PHACTR1: variants seen among roughly 807,000 people sequenced by gnomAD.
PHACTR1 encodes the protein phosphatase and actin regulator 1.
A neutral mutation model predicts 69.2 loss-of-function variants in PHACTR1; 16 were observed. That is an observed-to-expected ratio of 0.23 (90% CI 0.16 to 0.35). The LOEUF (loss-of-function observed/expected upper bound fraction) is 0.35, where lower values mean the gene tolerates loss of function less well. PHACTR1 is among the 10% of genes least tolerant of loss of function. The pLI is 1.00. For synonymous variants in PHACTR1, 312 were observed against 284.5 expected (o/e 1.10, Z -0.97); for missense variants, 510 against 734.7 (o/e 0.69, Z 3.54).
At chr6:13,261,368 C>G (rs756048277) in intron 10 of PHACTR1, among the ~76,000 whole-genome samples, 1 of 152,144 alleles carries the variant, frequency 6.6e-6, no homozygotes, top group South Asian at 2.1e-4. Context: ...GAAAAGTCAC[C>G]AAGTAGCATC....
chr6:12,876,770 T>C (rs147701524), intron 4 of PHACTR1, among the ~76,000 whole-genome samples: 1 of 152,282 alleles, frequency 6.6e-6, no homozygotes, highest in African/African-American at 2.4e-5. Context: ...TATAGGTAGG[T>C]TTATTATGAG....
intron 4 of PHACTR1, among the ~76,000 whole-genome samples, chr6:13,034,008 G>C (rs1403587182): frequency 7.2e-6 from 1 of 138,742 alleles, no homozygotes; most frequent in Non-Finnish European, 1.6e-5. Flanking sequence ...TGAAGGACAG[G>C]ACTTTTTCTT....
intron 4 of PHACTR1, among the ~76,000 whole-genome samples, chr6:12,909,460 A>C (rs1232283794): frequency 6.6e-6 from 1 of 152,200 alleles, no homozygotes; most frequent in Non-Finnish European, 1.5e-5. Context: ...ATGCGGGAGT[A>C]ATTGGTTTTA....
At chr6:13,133,649 T>C (rs1031626036) in intron 5 of PHACTR1, among the ~76,000 whole-genome samples, 22 of 151,986 alleles carry the variant, frequency 1.4e-4, no homozygotes, top group Non-Finnish European at 2.9e-4. Flanking sequence ...TCGCTACAAC[T>C]TCCACCTCCC....
intron 10 of PHACTR1, among the ~76,000 whole-genome samples, chr6:13,259,202 C>T (rs1321463880): frequency 6.6e-6 from 1 of 152,182 alleles, no homozygotes; most frequent in East Asian, 1.9e-4. Flanking sequence ...GTTATAACAA[C>T]TCAGATACTC....
chr6:13,131,734 A>G (rs1354424849), intron 5 of PHACTR1, among the ~76,000 whole-genome samples: 1 of 152,180 alleles, frequency 6.6e-6, no homozygotes, highest in East Asian at 1.9e-4. Context: ...TGCTTTGAAA[A>G]TGGTTAAAAT....
intron 5 of PHACTR1, among the ~76,000 whole-genome samples, chr6:13,120,762 C>T (rs773493856): frequency 3.0e-4 from 46 of 152,202 alleles, no homozygotes; most frequent in Non-Finnish European, 5.9e-4. Context: ...TGGGGAAAGG[C>T]AAGACATCAT....
chr6:12,831,968 T>C (rs78896410), intron 4 of PHACTR1, among the ~76,000 whole-genome samples: 1 of 152,060 alleles, frequency 6.6e-6, no homozygotes, highest in East Asian at 1.9e-4. Flanking sequence ...TAGCCAGGCT[T>C]GACGGTACAT....
intron 5 of PHACTR1, among the ~76,000 whole-genome samples, chr6:13,108,084 A>G (rs140920468): frequency 2.6e-5 from 4 of 152,160 alleles, no homozygotes; most frequent in Non-Finnish European, 4.4e-5. Context: ...CATTTTCATT[A>G]TTATCCACTT....
At chr6:12,844,211 A>G (rs1200565451) in intron 4 of PHACTR1, among the ~76,000 whole-genome samples, 1 of 152,128 alleles carries the variant, frequency 6.6e-6, no homozygotes, top group Non-Finnish European at 1.5e-5. Context: ...CCTGGGCAAC[A>G]TAGCAAGATT....
intron 4 of PHACTR1, among the ~76,000 whole-genome samples, chr6:12,795,200 C>T (rs905336353): frequency 1.3e-5 from 2 of 151,792 alleles, no homozygotes; most frequent in Non-Finnish European, 2.9e-5. Flanking sequence ...AAATAATTTA[C>T]AAGATGATAT....
chr6:13,147,630 T>C (rs927163563), intron 5 of PHACTR1, among the ~76,000 whole-genome samples: 1 of 152,226 alleles, frequency 6.6e-6, no homozygotes, highest in South Asian at 2.1e-4. Flanking sequence ...AAAAGACTTA[T>C]TGTGGCATTT....
chr6:13,165,236 C>T (rs550320198), intron 6 of PHACTR1, among the ~76,000 whole-genome samples: 16 of 152,144 alleles, frequency 1.1e-4, no homozygotes, highest in Non-Finnish European at 1.6e-4. Flanking sequence ...GGTGAACTGC[C>T]AACACTATAA....
At chr6:13,227,341 C>T in intron 8 of PHACTR1, among the ~76,000 whole-genome samples, 1 of 152,214 alleles carries the variant, frequency 6.6e-6, no homozygotes, top group East Asian at 1.9e-4. Flanking sequence ...ACTAGAACCT[C>T]AATTATTATC....
chr6:12,818,391 C>T (rs1194987597), intron 4 of PHACTR1, among the ~76,000 whole-genome samples: 1 of 152,124 alleles, frequency 6.6e-6, no homozygotes, highest in Non-Finnish European at 1.5e-5. Flanking sequence ...TCCAGGAGGC[C>T]AACCCAGACT....
At chr6:12,781,914 G>A (rs988793279) in intron 4 of PHACTR1, among the ~76,000 whole-genome samples, 12 of 152,182 alleles carry the variant, frequency 7.9e-5, no homozygotes, top group Admixed American at 2.0e-4. Flanking sequence ...AGCTGGGAAC[G>A]TGATGTGACA....
At chr6:12,861,117 C>A (rs1045509565) in intron 4 of PHACTR1, among the ~76,000 whole-genome samples, 6 of 152,186 alleles carry the variant, frequency 3.9e-5, no homozygotes, top group African/African-American at 1.4e-4. Context: ...TAATGAACTA[C>A]CAAAATGTAA....
At chr6:13,071,802 C>G (rs1449153201) in intron 5 of PHACTR1, among the ~76,000 whole-genome samples, 3 of 152,108 alleles carry the variant, frequency 2.0e-5, no homozygotes, top group Non-Finnish European at 2.9e-5. Flanking sequence ...TAGGAAGCTG[C>G]CTGCTACCAC....
At chr6:13,086,083 T>TAA (rs776154642) in intron 5 of PHACTR1, among the ~76,000 whole-genome samples, 3,239 of 59,970 alleles carry the variant, frequency 0.054, 359 homozygotes, top group African/African-American at 0.25. Flanking sequence ...TACACATTTC[T>TAA]AAAAAAAAAA....
Sources: allele counts gnomAD v4.1 joint callset (sites outside exome capture counted in the v4.1 genomes callset), GRCh38; gene constraint gnomAD v4.1.1; transcripts MANE v1.5; gene names NCBI Gene and HGNC (gene_info 2026-07-23, HGNC 2026-07-21).